VWA8: variants seen among roughly 807,000 people sequenced by gnomAD.
The protein encoded by VWA8 is von Willebrand factor A domain-containing protein 8.
Under a neutral mutation model 241.5 loss-of-function variants are expected in VWA8, and 221 were observed. The ratio of observed to expected loss-of-function variants is 0.91; its 90% CI spans 0.82 to 1.02. The LOEUF is 1.02. VWA8 is among the 50% of genes least tolerant of loss of function. VWA8 has a pLI of 0.00. For synonymous variants in VWA8, 852 were observed against 827.1 expected, an observed-to-expected ratio of 1.03 and a Z score of -0.52; for missense variants, 2,322 against 2,328.7, an observed-to-expected ratio of 1.00 and a Z score of 0.06.
intron 17 of VWA8, among the ~76,000 whole-genome samples, chr13:41,801,703 A>C (rs1051311422): frequency 4.6e-5 from 7 of 152,238 alleles, no homozygotes; most frequent in African/African-American, 1.7e-4. Flanking sequence ...GACTGAAAAA[A>C]TGTTAGTTTT....
At chr13:41,632,281 T>C (rs1307557119) in intron 37 of VWA8, among the ~76,000 whole-genome samples, 1 of 152,208 alleles carries the variant, frequency 6.6e-6, no homozygotes, top group Non-Finnish European at 1.5e-5. Flanking sequence ...TCTCAAAATA[T>C]CAAATCTGTT....
chr13:41,811,456 T>C lies in VWA8; in HGVS notation c.1948-116A>G, dbSNP rs1870469119. ...TGAAGGGGTAAGGCCAAACTTAAAG[T>C]ATGTGCTGTTAATTAATTACAAATC... On this transcript the variant is annotated intron_variant, in intron 16 of 44. Transcript: ENST00000379310. The C allele has an allele frequency of 5.2e-6, 3 of 572,442 alleles. No individual in the cohort carries two copies. The East Asian group carries it at 9.1e-5, about 17-fold the overall frequency. The allele number at this position is 572,442 out of a possible 1,614,324, so 35.5% of individuals were successfully genotyped here.
At chr13:41,679,457 T>C (rs1050838517) in intron 35 of VWA8, among the ~76,000 whole-genome samples, 1 of 152,238 alleles carries the variant, frequency 6.6e-6, no homozygotes, top group Non-Finnish European at 1.5e-5. Context: ...ACTGTGCTGA[T>C]ACCAAATTTT....
chr13:41,641,068 T>A lies in VWA8; in HGVS notation c.4612-25984A>T, dbSNP rs567839323. 5.3e-5 allele frequency among the ~76,000 whole-genome samples: 8 copies of A among 152,340 alleles called. No individual in the cohort carries two copies. The East Asian group carries it at 1.5e-3, about 29-fold the overall frequency. On this transcript the variant is annotated intron_variant, in intron 37 of 44. Transcript: ENST00000379310. ...TGGGCTTATGAGAACTTGCTAAGAC[T>A]GTGAAGCACACATTCTATTCTAAAT...
intron 37 of VWA8, among the ~76,000 whole-genome samples, chr13:41,650,687 G>C (rs1038576493): frequency 6.6e-6 from 1 of 152,192 alleles, no homozygotes; most frequent in South Asian, 2.1e-4. Context: ...GGTGCTGGGG[G>C]TGCCAGCCTA....
At chr13:41,836,951 T>C (rs1393184894) in intron 12 of VWA8, among the ~76,000 whole-genome samples, 1 of 152,134 alleles carries the variant, frequency 6.6e-6, no homozygotes, top group Non-Finnish European at 1.5e-5. Context: ...CTAGCTCAGT[T>C]AAATTTTATC....
At chr13:41,602,494 T>C (rs937174767) in intron 40 of VWA8, among the ~76,000 whole-genome samples, 6 of 152,132 alleles carry the variant, frequency 3.9e-5, no homozygotes, top group Non-Finnish European at 7.4e-5. Context: ...ATTATGAGAA[T>C]TGACACAATG....
intron 40 of VWA8, among the ~76,000 whole-genome samples, chr13:41,593,470 C>A (rs1462360190): frequency 6.6e-6 from 1 of 152,166 alleles, no homozygotes; most frequent in African/African-American, 2.4e-5. Context: ...TGTGCACAGT[C>A]TACTAGAATC....
At chr13:41,835,693 A>C (rs1055333784) in intron 12 of VWA8, among the ~76,000 whole-genome samples, 3 of 152,194 alleles carry the variant, frequency 2.0e-5, no homozygotes, top group Admixed American at 2.0e-4. Context: ...ACTATGAAAA[A>C]AAATCAAATA....
chr13:41,779,716 A>C (rs571973457), intron 19 of VWA8, among the ~76,000 whole-genome samples: 1 of 152,338 alleles, frequency 6.6e-6, no homozygotes, highest in East Asian at 1.9e-4. Context: ...AAGCTCTTCC[A>C]GTAATAAATG....
chr13:41,712,291 C>T (rs2045323663), intron 26 of VWA8, among the ~76,000 whole-genome samples: 1 of 152,128 alleles, frequency 6.6e-6, no homozygotes, highest in Non-Finnish European at 1.5e-5. Flanking sequence ...TATTCAAGGA[C>T]ATGGATACCC....
At chr13:41,892,427 C>T (rs1373490714) in intron 4 of VWA8, among the ~76,000 whole-genome samples, 1 of 152,134 alleles carries the variant, frequency 6.6e-6, no homozygotes, top group Non-Finnish European at 1.5e-5. Flanking sequence ...CCTTAAAACT[C>T]GCCTTCATTA....
At chr13:41,725,413 A>G in intron 24 of VWA8, among the ~76,000 whole-genome samples, 1 of 152,182 alleles carries the variant, frequency 6.6e-6, no homozygotes, top group Non-Finnish European at 1.5e-5. Flanking sequence ...GAAATTACAG[A>G]AGTGTCAGTC....
intron 37 of VWA8, among the ~76,000 whole-genome samples, chr13:41,655,369 G>A (rs1323570332): frequency 5.3e-5 from 8 of 152,098 alleles, no homozygotes; most frequent in Non-Finnish European, 1.0e-4. Flanking sequence ...AATTACAGGC[G>A]TGAGCCACCA....
intron 34 of VWA8, among the ~76,000 whole-genome samples, chr13:41,688,941 T>A (rs1444644585): frequency 6.6e-6 from 1 of 152,088 alleles, no homozygotes; most frequent in Admixed American, 6.6e-5. Flanking sequence ...TTTACCTATA[T>A]AACAAACCTG....
chr13:41,653,222 A>G (rs2044880404), intron 37 of VWA8, among the ~76,000 whole-genome samples: 1 of 152,222 alleles, frequency 6.6e-6, no homozygotes, highest in Admixed American at 6.5e-5. Flanking sequence ...CCTGTTATAA[A>G]TTAATGTAAA....
chr13:41,889,725 A>G (rs1308005299), intron 5 of VWA8, among the ~76,000 whole-genome samples: 1 of 152,158 alleles, frequency 6.6e-6, no homozygotes, highest in Non-Finnish European at 1.5e-5. Flanking sequence ...ATCCAAAGTA[A>G]TATGTTCAAT....
intron 37 of VWA8, among the ~76,000 whole-genome samples, chr13:41,660,490 T>C (rs34541730): frequency 0.022 from 3,354 of 152,288 alleles, 81 homozygotes; most frequent in African/African-American, 0.061. Context: ...ACTACATTCT[T>C]GAGGAGAAGC....
intron 14 of VWA8, among the ~76,000 whole-genome samples, chr13:41,824,733 G>A (rs531690420): frequency 6.6e-6 from 1 of 151,824 alleles, no homozygotes; most frequent in African/African-American, 2.4e-5. Flanking sequence ...CAAAAGGAAA[G>A]CTTGAGCCCA....
Sources: allele counts gnomAD v4.1 joint callset (sites outside exome capture counted in the v4.1 genomes callset), GRCh38; gene constraint gnomAD v4.1.1; transcripts MANE v1.5; gene names NCBI Gene and HGNC (gene_info 2026-07-23, HGNC 2026-07-21).